DNAJC6: variants seen among roughly 807,000 people sequenced by gnomAD.
The protein encoded by DNAJC6 is DnaJ heat shock protein family (Hsp40) member C6.
DNAJC6 carries 34 observed loss-of-function variants against 110.0 expected under a neutral mutation model. That is an observed-to-expected ratio of 0.31 (90% CI 0.24 to 0.41). The LOEUF (loss-of-function observed/expected upper bound fraction) is 0.41. Among genes scored for constraint, DNAJC6 ranks in the 10% least tolerant of loss-of-function variants. DNAJC6 has a pLI of 1.00. For missense variants in DNAJC6, 1,031 were observed against 1,207.8 expected, an observed-to-expected ratio of 0.85 and a Z score of 2.17; for synonymous variants, 406 against 437.2, an observed-to-expected ratio of 0.93 and a Z score of 0.89.
Position 65,389,381 on chromosome 1 carries a change from C to T in DNAJC6, c.1319C>T (p.Thr440Ile), listed in dbSNP as rs138800944. Residue 440 changes from threonine (T) to isoleucine (I), a missense_variant, in exon 10 of 19, where the codon ACA (threonine) becomes ATA (isoleucine). By Grantham distance (89) the Thr-to-Ile change is moderately conservative (BLOSUM62 -1). Coordinates refer to ENST00000371069, the MANE Select transcript of DNAJC6 (RefSeq NM_001256864.2). The part of the protein sequence containing the change: ...DLTPPWEHYC[T>I]KDVNPSILFS... ...ACTCCACCATGGGAACATTACTGCA[C>T]AAAAGATGTCAATCCCAGCATCCTC... The T allele has an allele frequency of 1.2e-6, 2 of 1,614,180 alleles. No individual in the cohort carries two copies. Among genetic ancestry groups the T allele is most frequent in the Admixed American group, 1.7e-5 (1 of 60,022 alleles).
chr1:65,368,672 T>TTTCCCTTC (rs1645673799), intron 4 of DNAJC6, among the ~76,000 whole-genome samples: 1 of 114,106 alleles, frequency 8.8e-6, no homozygotes, highest in African/African-American at 3.7e-5. Flanking sequence ...TTCCTTCCTC[T>TTTCCCTTC]CTCCCTTCCT....
chr1:65,397,453 G>C (rs1645990438), intron 13 of DNAJC6, among the ~76,000 whole-genome samples: 1 of 152,146 alleles, frequency 6.6e-6, no homozygotes, highest in African/African-American at 2.4e-5. Context: ...GCAAAATAGA[G>C]ACTAAAATAT....
intron 1 of DNAJC6, among the ~76,000 whole-genome samples, chr1:65,302,115 TATATATATAA>T (rs1429058956): frequency 2.2e-5 from 1 of 46,120 alleles, no homozygotes; most frequent in African/African-American, 2.0e-4. Context: ...ATAATATATA[TATATATATAA>T]AAAATATATA....
At chr1:65,398,171 G>A (rs1442011812) in intron 13 of DNAJC6, among the ~76,000 whole-genome samples, 1 of 152,056 alleles carries the variant, frequency 6.6e-6, no homozygotes, top group African/African-American at 2.4e-5. Flanking sequence ...ACTTTGAGGG[G>A]GGGTCAGAAT....
intron 8 of DNAJC6, among the ~76,000 whole-genome samples, chr1:65,387,611 G>A (rs1028957474): frequency 2.0e-4 from 31 of 152,188 alleles, no homozygotes; most frequent in Non-Finnish European, 3.2e-4. Flanking sequence ...TTGTGTTATA[G>A]CATGTGTCAG....
chr1:65,333,387 T>G (rs1206553434), intron 1 of DNAJC6, among the ~76,000 whole-genome samples: 1 of 152,144 alleles, frequency 6.6e-6, no homozygotes, highest in African/African-American at 2.4e-5. Context: ...ATAAAAACCA[T>G]CACTGCTTTA....
In DNAJC6 at chr1:65,366,178, T is replaced by C; in HGVS notation, c.525T>C (p.Thr175=). 6.2e-6 allele frequency: 10 copies of C among 1,613,570 alleles called. No homozygotes were observed. The highest frequency in any genetic ancestry group is 8.5e-6 in the Non-Finnish European group (10 of 1,179,694). ...ATCTGTCACCTAAGTCTTATCGAAC[T>C]GCCAAGTTTCACAGCCGGGTAAGGA... ...VYNLSPKSYR[T]AKFHSRVSEC... The change falls in exon 4 of 19, where the codon ACT becomes ACC. Residue 175 remains threonine (T), a synonymous_variant. Coordinates refer to ENST00000371069, the MANE Select transcript of DNAJC6 (RefSeq NM_001256864.2).
chr1:65,356,377 GC>G (rs1334905082), intron 1 of DNAJC6, among the ~76,000 whole-genome samples: 4 of 151,870 alleles, frequency 2.6e-5, no homozygotes, highest in Non-Finnish European at 5.9e-5. Context: ...TTCGAGACCA[GC>G]CTGGGAAACA....
Position 65,405,896 on chromosome 1 carries a change from A to T in DNAJC6, c.2254A>T (p.Thr752Ser), listed in dbSNP as rs113143702. The T allele has an allele frequency of 3.6e-4, 582 of 1,609,444 alleles. 3 individuals are homozygous for T. The African/African-American group carries it at 7.1e-3, about 20-fold the overall frequency. The part of the protein sequence containing the change: ...LGSSSFASKP[T>S]TPTGLGGGFP... ...TAGTTCTTCCTTTGCCAGCAAACCC[A>T]CCACACCAACTGGATTGGGTGGAGG... The change falls in exon 16 of 19, where the codon ACC becomes TCC. Residue 752 changes from threonine (T) to serine (S), a missense_variant. Physicochemically the swap from Thr to Ser is moderately conservative, Grantham distance 58. Transcript: ENST00000371069.
At chr1:65,373,643 TGTTGA>T (rs1437736908) in intron 4 of DNAJC6, among the ~76,000 whole-genome samples, 38 of 151,930 alleles carry the variant, frequency 2.5e-4, no homozygotes, top group African/African-American at 8.5e-4. Context: ...TTTTTTTTAT[TGTTGA>T]GTTGTTTGAG....
chr1:65,332,210 A>G (rs6588130), intron 1 of DNAJC6, among the ~76,000 whole-genome samples: 111,746 of 152,124 alleles, frequency 0.73, 41,060 homozygotes, highest in East Asian at 0.83. Flanking sequence ...CACTCAATGA[A>G]GAAAGGATGT....
rs188904373 is a variant in DNAJC6, at chr1:65,353,960, T to C, written c.194-10675T>C. Among the ~76,000 whole-genome samples the C allele has an allele frequency of 1.7e-3, 255 of 152,298 alleles. 4 individuals carry two copies. Among genetic ancestry groups the C allele is most frequent in the African/African-American group, 5.5e-3 (229 of 41,578 alleles). ...TCACTGCCAAAGTTGATCTGTTTGG[T>C]CTTCCTTGCCATCTCTGCCATCTTC... On this transcript the variant is annotated intron_variant, in intron 1 of 18. Coordinates refer to ENST00000371069, the MANE Select transcript of DNAJC6 (RefSeq NM_001256864.2).
At chr1:65,299,623 T>C (rs1644959163) in intron 1 of DNAJC6, among the ~76,000 whole-genome samples, 1 of 152,224 alleles carries the variant, frequency 6.6e-6, no homozygotes, top group Admixed American at 6.5e-5. Flanking sequence ...TTATGTACTT[T>C]ATGTTATGCA....
intron 1 of DNAJC6, among the ~76,000 whole-genome samples, chr1:65,286,371 C>T (rs1038695433): frequency 1.3e-5 from 2 of 152,240 alleles, no homozygotes; most frequent in East Asian, 1.9e-4. Context: ...CTCAGCCTCC[C>T]GAGTAGCTGG....
intron 1 of DNAJC6, among the ~76,000 whole-genome samples, chr1:65,338,700 G>A (rs1645360468): frequency 1.3e-5 from 2 of 152,164 alleles, no homozygotes; most frequent in Non-Finnish European, 2.9e-5. Flanking sequence ...AAATATGTGT[G>A]TGTATCTATC....
At chr1:65,266,209 T>C (rs1653324920) in intron 1 of DNAJC6, among the ~76,000 whole-genome samples, 1 of 152,046 alleles carries the variant, frequency 6.6e-6, no homozygotes, top group Non-Finnish European at 1.5e-5. Flanking sequence ...CCACCGTCTC[T>C]GGCTTGTTAT....
chr1:65,284,803 C>T (rs1217292108), intron 1 of DNAJC6, among the ~76,000 whole-genome samples: 1 of 152,062 alleles, frequency 6.6e-6, no homozygotes, highest in Non-Finnish European at 1.5e-5. Context: ...ATTCTCCTGC[C>T]TCAGCCTCCC....
chr1:65,278,995 A>T, intron 1 of DNAJC6: 1 of 985,410 alleles, frequency 1.0e-6, no homozygotes, highest in Non-Finnish European at 1.2e-6. Flanking sequence ...ATGGCAGTTT[A>T]AAAACAGACA....
chr1:65,411,077 G>C (rs1646124316), intron 17 of DNAJC6, among the ~76,000 whole-genome samples, 173 bp from the exon 18 acceptor site: 1 of 152,196 alleles, frequency 6.6e-6, no homozygotes, highest in Non-Finnish European at 1.5e-5. Flanking sequence ...AGGGAGACAA[G>C]GTAGGAGATT....
Sources: allele counts gnomAD v4.1 joint callset (sites outside exome capture counted in the v4.1 genomes callset), GRCh38; gene constraint gnomAD v4.1.1; transcripts MANE v1.5; gene names NCBI Gene and HGNC (gene_info 2026-07-23, HGNC 2026-07-21).